The following APOBEC3H variants were observed in gnomAD, a reference collection of about 807,000 sequenced individuals.
APOBEC3H encodes the protein DNA dC->dU-editing enzyme APOBEC-3H.
Under a neutral mutation model 21.2 loss-of-function variants are expected in APOBEC3H, and 8 were observed. That is an observed-to-expected ratio of 0.38 (90% CI 0.22 to 0.68). APOBEC3H has a LOEUF of 0.68. Among genes scored for constraint, APOBEC3H ranks in the 30% least tolerant of loss-of-function variants. The pLI, the probability that APOBEC3H is intolerant of heterozygous loss-of-function variation, is 0.52. For missense variants in APOBEC3H, 229 were observed against 228.1 expected, an observed-to-expected ratio of 1.00 and a Z score of -0.03; for synonymous variants, 88 against 91.0, an observed-to-expected ratio of 0.97 and a Z score of 0.19.
intron 2 of APOBEC3H, chr22:39,100,631 C>T (rs1929258530): frequency 3.2e-6 from 2 of 631,102 alleles, no homozygotes; most frequent in Non-Finnish European, 5.2e-6. Flanking sequence ...CCCATTCTTT[C>T]CCGTCCCCGG....
In APOBEC3H at chr22:39,101,489, G is replaced by T. The variant is rs1031294874; in HGVS notation, c.403G>T (p.Val135Phe). 3 of 1,607,000 alleles carry T rather than the reference G, an allele frequency of 1.9e-6. No individual in the cohort carries two copies. The highest frequency in any genetic ancestry group is 2.5e-6 in the Non-Finnish European group (3 of 1,177,940). ...LLCGSQVPVE[V>F]MGFPEFADCW... ...GTGTGGATCCCAGGTCCCGGTGGAG[G>T]TCATGGGCTTCCCAGGTAGGAAAGA... Residue 135 changes from valine to phenylalanine, a missense_variant, in exon 3 of 5, where the codon GTC becomes TTC. Physicochemically the swap from Val to Phe is conservative, Grantham distance 50. Coordinates refer to ENST00000442487, the MANE Select transcript of APOBEC3H (RefSeq NM_181773.5).
chr22:39,104,020 C>T lies in APOBEC3H; in HGVS notation c.*323C>T. On this transcript the variant is annotated 3_prime_UTR_variant, in exon 5 of 5. Transcript: ENST00000442487. ...GTGGCTCACGCCTGTAATCCTAGCA[C>T]TTTGGGAGGCTGAGATGCTCGGCCA... 2.4e-6 allele frequency: 1 copy of T among 409,822 alleles called. No homozygotes were observed. The highest frequency in any genetic ancestry group is 4.4e-6 in the Non-Finnish European group (1 of 226,444). The allele number at this position is 409,822 out of a possible 1,614,324, so 25.4% of individuals were successfully genotyped here. A position where few individuals can be genotyped will look rare whatever the true frequency, so the allele number is the denominator to read the frequency against.
Position 39,101,413 on chromosome 22 carries a change from C to A in APOBEC3H, c.327C>A (p.Ser109=). 6.2e-7 allele frequency: 1 copy of A among 1,612,234 alleles called. No homozygotes were observed. The highest frequency in any genetic ancestry group is 8.5e-7 in the Non-Finnish European group (1 of 1,179,630). ...HDHLNLGIFA[S]RLYYHWCKPQ... is the part of the protein sequence containing the mutation. The stretch of plus-strand genomic sequence containing the variant: ...ATCTGAACCTGGGCATCTTCGCCTC[C>A]CGCCTGTACTACCACTGGTGCAAGC... The change falls in exon 3 of 5, where the codon TCC becomes TCA. Residue 109 remains serine (S), a synonymous_variant. Coordinates refer to ENST00000442487, the MANE Select transcript of APOBEC3H (RefSeq NM_181773.5).
At chr22:39,101,137 C>CTG in intron 2 of APOBEC3H, 100 bp from the exon 3 acceptor site, 1 of 309,018 alleles carries the variant, frequency 3.2e-6, no homozygotes, top group Non-Finnish European at 6.3e-6. Flanking sequence ...GACCCCTCTG[C>CTG]CCCCCCATCC....
chr22:39,097,866 G>A (rs1569091421), intron 1 of APOBEC3H, among the ~76,000 whole-genome samples: 1 of 152,172 alleles, frequency 6.6e-6, no homozygotes, highest in Non-Finnish European at 1.5e-5. Flanking sequence ...GGATGCAGAT[G>A]ACCCTGAACA....
At position 39,103,846 on chromosome 22, in the gene APOBEC3H, C is replaced by G; in HGVS notation, c.*149C>G. ...TCCTGTAAGCAAGCACTAAGCTCCA[C>G]AGTGCCAGTTCCTTGCCCCAACCTG... On this transcript the variant is annotated 3_prime_UTR_variant, in exon 5 of 5. Coordinates refer to ENST00000442487, the MANE Select transcript of APOBEC3H (RefSeq NM_181773.5). 1 of 1,005,292 alleles carries G rather than the reference C, an allele frequency of 9.9e-7. No individual in the cohort carries two copies. Among genetic ancestry groups the G allele is most frequent in the Non-Finnish European group, 1.6e-6 (1 of 630,730 alleles). The allele number at this position is 1,005,292 out of a possible 1,614,324, so 62.3% of individuals were successfully genotyped here. A position where few individuals can be genotyped will look rare whatever the true frequency, so the allele number is the denominator to read the frequency against.
chr22:39,099,861 G>A (rs1272721700), intron 1 of APOBEC3H, among the ~76,000 whole-genome samples: 1 of 152,186 alleles, frequency 6.6e-6, no homozygotes, highest in African/African-American at 2.4e-5. Context: ...CCAAGGGGAA[G>A]GGCCCAAATG....
Position 39,097,327 on chromosome 22 carries a change from C to G in APOBEC3H, c.-24C>G, listed in dbSNP as rs1277665197. On this transcript the variant is annotated 5_prime_UTR_variant, in exon 1 of 5. Coordinates refer to ENST00000442487, the MANE Select transcript of APOBEC3H (RefSeq NM_181773.5). The stretch of plus-strand genomic sequence containing the variant: ...GGCAAGTCTGCTAAGGAAGCTGTGG[C>G]CAGAAGCACAGATCAGGTACTGCCG... 1 of 152,248 alleles carries G rather than the reference C, an allele frequency of 6.6e-6. No homozygotes were observed. The highest frequency in any genetic ancestry group is 1.5e-5 in the Non-Finnish European group (1 of 68,070). 9.4% of individuals were successfully genotyped at this position (152,248 alleles called of 1,614,324 possible). A position where few individuals can be genotyped will look rare whatever the true frequency, so the allele number is the denominator to read the frequency against.
rs184974723 is a variant in APOBEC3H, at chr22:39,099,228, A to G, written c.-7-1044A>G. Among the ~76,000 whole-genome samples the G allele has an allele frequency of 1.1e-3, 170 of 152,312 alleles. 1 individual carries two copies. Among genetic ancestry groups the G allele is most frequent in the Middle Eastern group, 6.8e-3 (2 of 294 alleles). On this transcript the variant is annotated intron_variant, in intron 1 of 4. Transcript: ENST00000442487. ...GACTCTCTCTCAAAAACAAAAAAAA[A>G]GCAAAATCCAAAATTGAATCCTCTG...
chr22:39,101,490 T>A lies in APOBEC3H; in HGVS notation c.404T>A (p.Val135Asp), dbSNP rs1402286409. ...LLCGSQVPVE[V>D]MGFPEFADCW... The stretch of plus-strand genomic sequence containing the variant: ...TGTGGATCCCAGGTCCCGGTGGAGG[T>A]CATGGGCTTCCCAGGTAGGAAAGAG... The change falls in exon 3 of 5, where the codon GTC (valine) becomes GAC (aspartate). Residue 135 changes from valine (V) to aspartate (D), a missense_variant. Val to Asp is a radical substitution (Grantham distance 152). Coordinates refer to ENST00000442487, the MANE Select transcript of APOBEC3H (RefSeq NM_181773.5). The A allele has an allele frequency of 1.2e-6, 2 of 1,600,528 alleles. No individual in the cohort carries two copies. Among genetic ancestry groups the A allele is most frequent in the Non-Finnish European group, 1.7e-6 (2 of 1,175,556 alleles).
chr22:39,100,465 G>C (rs1238467835), intron 2 of APOBEC3H, 37 bp downstream of exon 2: 2 of 1,604,194 alleles, frequency 1.2e-6, no homozygotes, highest in African/African-American at 2.7e-5. Context: ...GGCCGGCAGG[G>C]GCTAACCCCA....
chr22:39,098,337 C>T (rs891992419), intron 1 of APOBEC3H, among the ~76,000 whole-genome samples: 5 of 152,102 alleles, frequency 3.3e-5, no homozygotes, highest in Admixed American at 1.3e-4. Context: ...CCTGGGTTCA[C>T]GCCATTTTCC....
chr22:39,101,157 T>TC, intron 2 of APOBEC3H, 80 bp from the exon 3 acceptor site: 5 of 86,574 alleles, frequency 5.8e-5, no homozygotes, highest in South Asian at 2.3e-4. Flanking sequence ...CCCGCCCCCG[T>TC]CCCGGCCCCC....
intron 4 of APOBEC3H, among the ~76,000 whole-genome samples, chr22:39,102,899 G>T (rs1398146989): frequency 6.7e-6 from 1 of 148,854 alleles, no homozygotes; most frequent in Non-Finnish European, 1.5e-5. Context: ...GAGGTGGGAG[G>T]TTGCAGTGAG....
chr22:39,101,446 G>C lies in APOBEC3H; in HGVS notation c.360G>C (p.Gln120His). 6.2e-7 allele frequency: 1 copy of C among 1,611,834 alleles called. No individual in the cohort carries two copies. Among genetic ancestry groups the C allele is most frequent in the East Asian group, 2.2e-5 (1 of 44,772 alleles). The change falls in exon 3 of 5, where the codon CAG becomes CAC. Residue 120 changes from glutamine (Q) to histidine (H), a missense_variant. Transcript: ENST00000442487. ...ACTACCACTGGTGCAAGCCCCAGCA[G>C]AAGGGGCTGCGGCTTCTGTGTGGAT... is the stretch of plus-strand genomic sequence containing the variant. The part of the protein sequence containing the change: ...RLYYHWCKPQ[Q>H]KGLRLLCGSQ...
At chr22:39,098,786 G>C (rs898182658) in intron 1 of APOBEC3H, among the ~76,000 whole-genome samples, 33 of 152,222 alleles carry the variant, frequency 2.2e-4, no homozygotes, top group African/African-American at 7.9e-4. Context: ...TTGGAGGCTT[G>C]AAATGCTCAG....
rs528403667 is a variant in APOBEC3H at position 39,099,067 on chromosome 22, C to T, written c.-7-1205C>T. ...AAAATTAGCCGGGCATGAAGGAGGGCGCTTGTAATTCCAGCTACTTGGGAG... is the reference window on the plus strand; with the variant it reads ...AAAATTAGCCGGGCATGAAGGAGGGTGCTTGTAATTCCAGCTACTTGGGAG... On this transcript the variant is annotated intron_variant, in intron 1 of 4. Transcript: ENST00000442487. 2.8e-4 allele frequency among the ~76,000 whole-genome samples: 42 copies of T among 152,106 alleles called. No individual in the cohort carries two copies. In the South Asian group the frequency reaches 7.7e-3, roughly 28 times the overall value.
chr22:39,100,521 T>C (rs1485672307), intron 2 of APOBEC3H, 93 bp downstream of exon 2: 1 of 1,499,274 alleles, frequency 6.7e-7, no homozygotes, highest in Non-Finnish European at 9.0e-7. Flanking sequence ...TATAAATTTC[T>C]CAATTTTTGA....
chr22:39,100,128 G>A (rs887388368), intron 1 of APOBEC3H, 144 bp from the exon 2 acceptor site: 8 of 794,976 alleles, frequency 1.0e-5, no homozygotes, highest in Admixed American at 2.4e-5. Context: ...AGCCAAGATC[G>A]GGCCACTGCA....
Sources: gnomAD v4.1 joint callset for allele counts (sites outside exome capture counted in the v4.1 genomes callset) on GRCh38, gnomAD v4.1.1 for gene constraint, MANE v1.5 for transcripts, NCBI Gene and HGNC (gene_info 2026-07-23, HGNC 2026-07-21) for gene names.